Variants in ZNF518A observed in about 807,000 individuals in gnomAD.
The protein encoded by ZNF518A is zinc finger protein 518.
A neutral mutation model predicts 102.7 loss-of-function variants in ZNF518A; 47 were observed. The ratio of observed to expected loss-of-function variants is 0.46; its 90% CI spans 0.36 to 0.58. ZNF518A has a LOEUF of 0.58. Among genes scored for constraint, ZNF518A ranks in the 20% least tolerant of loss-of-function variants. The pLI is 0.00. For synonymous variants in ZNF518A, 652 were observed against 594.6 expected, an observed-to-expected ratio of 1.10 and a Z score of -1.40; for missense variants, 1,793 against 1,699.8, an observed-to-expected ratio of 1.05 and a Z score of -0.96.
intron 3 of ZNF518A, among the ~76,000 whole-genome samples, chr10:96,151,187 G>A (rs1304301455): frequency 6.6e-6 from 1 of 151,872 alleles, no homozygotes; most frequent in African/African-American, 2.4e-5. Context: ...CTTTTTTGTT[G>A]GCATTGTTGG....
At chr10:96,166,122 G>A (rs186970596), downstream of ZNF518A, among the ~76,000 whole-genome samples, 2 of 152,126 alleles carry the variant, frequency 1.3e-5, no homozygotes, top group East Asian at 1.9e-4. Context: ...CGTTAGGCGT[G>A]GGGGGAGGAA....
Position 96,160,428 on chromosome 10 carries a change from A to G in ZNF518A, c.4106A>G (p.Lys1369Arg). The G allele has an allele frequency of 6.2e-7, 1 of 1,613,070 alleles. No homozygotes were observed. Among genetic ancestry groups the G allele is most frequent in the Non-Finnish European group, 8.5e-7 (1 of 1,179,532 alleles). ...EVVSVMKTIA[K>R]FNGHVLKVSL... ...GTAAGTGTAATGAAAACTATTGCTA[A>G]ATTTAATGGACATGTACTTAAGGTT... Residue 1369 changes from lysine (K) to arginine (R), a missense_variant, in exon 6 of 6, where the codon AAA becomes AGA. By Grantham distance (26) the Lys-to-Arg change is conservative (BLOSUM62 2). Transcript: ENST00000316045.
intron 1 of ZNF518A, among the ~76,000 whole-genome samples, chr10:96,173,464 C>G (rs587603197): frequency 1.6e-4 from 24 of 152,120 alleles, no homozygotes; most frequent in African/African-American, 4.3e-4. Flanking sequence ...GCTGCCATAA[C>G]AAAATACCAT....
At chr10:96,152,581 T>C (rs1301120261) in intron 3 of ZNF518A, among the ~76,000 whole-genome samples, 1 of 152,154 alleles carries the variant, frequency 6.6e-6, no homozygotes, top group Admixed American at 6.5e-5. Flanking sequence ...TGTTTAACGA[T>C]GGGAATACGT....
chr10:96,138,768 T>C (rs2142431788), intron 3 of ZNF518A, among the ~76,000 whole-genome samples: 1 of 152,292 alleles, frequency 6.6e-6, no homozygotes, highest in East Asian at 1.9e-4. Flanking sequence ...TCTGGCAGCA[T>C]CCCACATGCT....
chr10:96,135,760 CT>C lies in ZNF518A; in HGVS notation c.-302+2114del, dbSNP rs1289329420. Among the ~76,000 whole-genome samples the C allele has an allele frequency of 2.4e-4, 36 of 152,194 alleles. No homozygotes were observed. The Middle Eastern group carries it at 0.031, about 129-fold the overall frequency. ...AATAATGTAAGAACAAGAAGAATTC[CT>C]TGTCTTGGAAGTGCTTCTAGTTAGG... On this transcript the variant is annotated intron_variant, in intron 3 of 5. Coordinates refer to ENST00000316045, the MANE Select transcript of ZNF518A (RefSeq NM_001330736.2).
intron 1 of ZNF518A, among the ~76,000 whole-genome samples, chr10:96,175,029 C>T (rs1340535630): frequency 6.6e-6 from 1 of 152,072 alleles, no homozygotes; most frequent in Non-Finnish European, 1.5e-5. Flanking sequence ...GGAATTGGGG[C>T]CTCACTAGAA....
At chr10:96,199,497 T>C (rs782453116) in intron 1 of ZNF518A, 2 of 462,200 alleles carry the variant, frequency 4.3e-6, no homozygotes, top group Non-Finnish European at 8.7e-6. Flanking sequence ...AGCTTTCTCG[T>C]CTCCCACTGT....
chr10:96,147,331 A>T (rs1393105536), intron 3 of ZNF518A, among the ~76,000 whole-genome samples: 1 of 152,196 alleles, frequency 6.6e-6, no homozygotes, highest in Non-Finnish European at 1.5e-5. Context: ...CTTTGGACTG[A>T]CAGGAGCATG....
At chr10:96,179,279 T>C (rs1351211180) in intron 1 of ZNF518A, among the ~76,000 whole-genome samples, 1 of 152,030 alleles carries the variant, frequency 6.6e-6, no homozygotes, top group Non-Finnish European at 1.5e-5. Flanking sequence ...GTCTAGAAAA[T>C]ATAACATTTT....
At chr10:96,155,610 A>G (rs1554881907) in intron 4 of ZNF518A, 1 of 152,210 alleles carries the variant, frequency 6.6e-6, no homozygotes, top group Non-Finnish European at 1.5e-5. Context: ...CTAACTTGTT[A>G]GTAATGATAA....
chr10:96,147,908 G>A (rs1419263098), intron 3 of ZNF518A, among the ~76,000 whole-genome samples: 1 of 151,838 alleles, frequency 6.6e-6, no homozygotes, highest in Non-Finnish European at 1.5e-5. Context: ...CTGCCCTCCT[G>A]TTAGTCAAAT....
At chr10:96,151,061 G>GT (rs1355530550) in intron 3 of ZNF518A, among the ~76,000 whole-genome samples, 12 of 152,054 alleles carry the variant, frequency 7.9e-5, no homozygotes, top group Admixed American at 7.9e-4. Flanking sequence ...CCTTACTGCA[G>GT]TAACTTTCAT....
intron 3 of ZNF518A, chr10:96,135,180 C>T (rs1391061224): frequency 2.6e-5 from 4 of 152,170 alleles, no homozygotes; most frequent in Non-Finnish European, 5.9e-5. Flanking sequence ...GTGCTGGTGG[C>T]ATTCTTTACC....
rs782050911 is a variant in ZNF518A at position 96,159,196 on chromosome 10, T to C, written c.2874T>C (p.Leu958=). 1.2e-6 allele frequency: 2 copies of C among 1,613,824 alleles called. No individual in the cohort carries two copies. Among genetic ancestry groups the C allele is most frequent in the South Asian group, 2.2e-5 (2 of 91,080 alleles). Residue 958 remains leucine, a synonymous_variant, in exon 6 of 6, where the codon CTT becomes CTC. Transcript: ENST00000316045. ...PGLPVIPGNA[L]PLVNSQGIPA... ...TACCAGTTATTCCTGGAAATGCACT[T>C]CCATTGGTTAATTCACAAGGTATCC...
At chr10:96,204,754 G>A (rs2083750926), downstream of ZNF518A, 1 of 750,888 alleles carries the variant, frequency 1.3e-6, no homozygotes, top group Non-Finnish European at 2.3e-6. Flanking sequence ...GAGATGTCAT[G>A]GATCTGTGCA....
At position 96,158,975 on chromosome 10, in the gene ZNF518A, G is replaced by A. The variant is rs2082852484; in HGVS notation, c.2653G>A (p.Gly885Ser). Residue 885 changes from glycine (G) to serine (S), a missense_variant, in exon 6 of 6, where the codon GGC (glycine) becomes AGC (serine). Around this residue, in one of 3 missense-constraint regions of ZNF518A, gnomAD observed 1,741 missense variants for 1,622.6 expected, o/e 1.07. Coordinates refer to ENST00000316045, the MANE Select transcript of ZNF518A (RefSeq NM_001330736.2). ...SEKMPRISGF[G>S]TLLKTQSDAI... ...GAAGATGCCTAGAATTTCAGGTTTT[G>A]GCACATTACTTAAGACTCAGTCAGA... is the stretch of plus-strand genomic sequence containing the variant. 3 of 1,613,556 alleles carry A rather than the reference G, an allele frequency of 1.9e-6. No homozygotes were observed. The highest frequency in any genetic ancestry group is 2.2e-5 in the South Asian group (2 of 91,014).
At chr10:96,172,511 T>G (rs1483806189) in intron 1 of ZNF518A, among the ~76,000 whole-genome samples, 1 of 152,084 alleles carries the variant, frequency 6.6e-6, no homozygotes, top group Non-Finnish European at 1.5e-5. Flanking sequence ...CAGTTTATTC[T>G]TGGGTTTGTA....
rs74453195 is a variant in ZNF518A at position 96,139,089 on chromosome 10, G to T, written c.-302+5441G>T. ...ACATTTCAAGTAGGGAACAGCAGGT[G>T]CAAAGGCCTGAGATAGGATGGATAG... On this transcript the variant is annotated intron_variant, in intron 3 of 5. Transcript: ENST00000316045. Among the ~76,000 whole-genome samples the T allele has an allele frequency of 9.7e-3, 1,475 of 152,080 alleles. 12 individuals are homozygous for T. Among genetic ancestry groups the T allele is most frequent in the Non-Finnish European group, 0.016 (1,062 of 67,970 alleles).
Sources: allele counts gnomAD v4.1 joint callset (sites outside exome capture counted in the v4.1 genomes callset), GRCh38; gene constraint gnomAD v4.1.1; regional missense constraint gnomAD v4.1.1; transcripts MANE v1.5; gene names NCBI Gene and HGNC (gene_info 2026-07-23, HGNC 2026-07-21).